Variants in DNAH6 observed in about 807,000 individuals in gnomAD.
The protein encoded by DNAH6 is axonemal beta dynein heavy chain 6.
DNAH6 carries 340 observed loss-of-function variants against 491.4 expected under a neutral mutation model. That is an observed-to-expected ratio of 0.69 (90% CI 0.63 to 0.76). The LOEUF (loss-of-function observed/expected upper bound fraction) is 0.76. Ranked by LOEUF, DNAH6 falls within the 30% of genes least tolerant of loss-of-function variation. The pLI is 0.00. For missense variants in DNAH6, 4,443 were observed against 4,972.2 expected (o/e 0.89, Z 3.20); for synonymous variants, 1,603 against 1,686.1 (o/e 0.95, Z 1.21).
At chr2:84,601,676 C>T (rs1295023335) in intron 18 of DNAH6, among the ~76,000 whole-genome samples, 1 of 151,748 alleles carries the variant, frequency 6.6e-6, no homozygotes, top group African/African-American at 2.4e-5. Flanking sequence ...TTCTTAGTCC[C>T]TTAACAGGTG....
In DNAH6 at chr2:84,704,174, A is replaced by T. The variant is rs886217206; in HGVS notation, c.8337A>T (p.Ala2779=). The change falls in exon 51 of 77, where the codon GCA becomes GCT. Residue 2779 remains alanine, a synonymous_variant. Coordinates refer to ENST00000389394, the MANE Select transcript of DNAH6 (RefSeq NM_001370.2). ...AQRDLDEALP[A]LDAANKALDS... is the part of the protein sequence containing the mutation. ...GAGATCTTGACGAGGCACTACCTGC[A>T]CTAGATGCTGCCAATAAAGCACTGG... The T allele has an allele frequency of 6.4e-7, 1 of 1,551,936 alleles. No homozygotes were observed. Among genetic ancestry groups the T allele is most frequent in the Non-Finnish European group, 8.7e-7 (1 of 1,147,032 alleles).
At chr2:84,575,153 G>A (rs991868885) in intron 12 of DNAH6, among the ~76,000 whole-genome samples, 1 of 152,160 alleles carries the variant, frequency 6.6e-6, no homozygotes, top group Non-Finnish European at 1.5e-5. Context: ...ATAGAGGTGG[G>A]CTTTGCCCTT....
the DNAH6 span, among the ~76,000 whole-genome samples, chr2:84,510,577 CAA>C: frequency 0.055 from 8,351 of 152,308 alleles, 359 homozygotes; most frequent in South Asian, 0.19. Flanking sequence ...CTCAACTCGT[CAA>C]AGTCATTCTC....
At chr2:84,576,275 G>A (rs1279463194) in intron 12 of DNAH6, among the ~76,000 whole-genome samples, 2 of 152,072 alleles carry the variant, frequency 1.3e-5, no homozygotes, top group African/African-American at 2.4e-5. Context: ...GCTGAAGCTC[G>A]GAAAGACTAA....
the DNAH6 span, among the ~76,000 whole-genome samples, chr2:84,495,318 A>G: frequency 6.6e-6 from 1 of 152,160 alleles, no homozygotes; most frequent in African/African-American, 2.4e-5. Context: ...ATGCACCACC[A>G]TGCCCTGCTA....
At chr2:84,805,509 T>C (rs892638960) in intron 70 of DNAH6, among the ~76,000 whole-genome samples, 156 bp from the exon 71 acceptor site, 1 of 152,228 alleles carries the variant, frequency 6.6e-6, no homozygotes, top group Non-Finnish European at 1.5e-5. Flanking sequence ...AGAGGGTAGA[T>C]CTCATGTTAA....
chr2:84,472,033 G>C, the DNAH6 span, among the ~76,000 whole-genome samples: 3 of 152,144 alleles, frequency 2.0e-5, no homozygotes, highest in East Asian at 5.8e-4. Context: ...CCAGCTCTTA[G>C]TATGTGCATC....
chr2:84,477,375 C>G, the DNAH6 span, among the ~76,000 whole-genome samples: 1 of 152,172 alleles, frequency 6.6e-6, no homozygotes, highest in Non-Finnish European at 1.5e-5. Context: ...GACATTATGT[C>G]AGACATGCAA....
chr2:84,804,980 A>C (rs1021263723), intron 70 of DNAH6, among the ~76,000 whole-genome samples: 2 of 145,548 alleles, frequency 1.4e-5, no homozygotes, highest in African/African-American at 2.5e-5. Context: ...CACCCAGCTA[A>C]TTTTTTTTTT....
At chr2:84,727,942 G>A in intron 61 of DNAH6, 40 bp downstream of exon 61, 2 of 1,300,216 alleles carry the variant, frequency 1.5e-6, no homozygotes, top group Non-Finnish European at 1.1e-6. Context: ...ATATGGTTTG[G>A]CTGTGTCCCC....
At chr2:84,553,238 G>T (rs922318966) in intron 10 of DNAH6, among the ~76,000 whole-genome samples, 6 of 152,172 alleles carry the variant, frequency 3.9e-5, no homozygotes, top group Non-Finnish European at 7.4e-5. Context: ...ACTTGAGTCA[G>T]ATTAGAGGCT....
upstream of DNAH6, among the ~76,000 whole-genome samples, chr2:84,514,001 CA>C (rs1675435011): frequency 6.6e-6 from 1 of 152,152 alleles, no homozygotes; most frequent in African/African-American, 2.4e-5. Flanking sequence ...ATGTGTGTGG[CA>C]ACTGTAGTTT....
intron 19 of DNAH6, 120 bp downstream of exon 19, chr2:84,604,671 T>C: frequency 2.8e-6 from 2 of 721,490 alleles, no homozygotes; most frequent in Non-Finnish European, 4.5e-6. Flanking sequence ...TCATTATCAG[T>C]CATCCCTCTG....
chr2:84,724,589 T>C (rs1698450672), intron 60 of DNAH6, among the ~76,000 whole-genome samples: 1 of 152,230 alleles, frequency 6.6e-6, no homozygotes, highest in Non-Finnish European at 1.5e-5. Context: ...CTGCTGGGAC[T>C]GCATTCTAAA....
At chr2:84,673,474 G>A (rs1016296939) in intron 40 of DNAH6, among the ~76,000 whole-genome samples, 4 of 152,188 alleles carry the variant, frequency 2.6e-5, no homozygotes, top group African/African-American at 4.8e-5. Context: ...AAGCCAGAAG[G>A]CAGATCAGCA....
intron 68 of DNAH6, among the ~76,000 whole-genome samples, chr2:84,788,857 A>C (rs72924779): frequency 1.3e-5 from 2 of 152,192 alleles, no homozygotes; most frequent in Non-Finnish European, 2.9e-5. Flanking sequence ...GACTGATTTT[A>C]TGGGAAAATT....
At chr2:84,472,822 C>T in the DNAH6 span, among the ~76,000 whole-genome samples, 1 of 152,130 alleles carries the variant, frequency 6.6e-6, no homozygotes, top group East Asian at 1.9e-4. Flanking sequence ...AAGGTGAATG[C>T]CTTTGTTGTA....
At chr2:84,641,542 G>C (rs1207996423) in intron 32 of DNAH6, among the ~76,000 whole-genome samples, 1 of 152,204 alleles carries the variant, frequency 6.6e-6, no homozygotes, top group Admixed American at 6.5e-5. Flanking sequence ...AAGGAGGATA[G>C]AGGACAGGAG....
intron 31 of DNAH6, 135 bp downstream of exon 31, chr2:84,637,512 G>C: frequency 9.9e-7 from 1 of 1,012,176 alleles, no homozygotes; most frequent in Non-Finnish European, 1.3e-6. Flanking sequence ...AGATATGATT[G>C]TTATCACATG....
Sources: gnomAD v4.1 joint callset for allele counts (sites outside exome capture counted in the v4.1 genomes callset) on GRCh38, gnomAD v4.1.1 for gene constraint, MANE v1.5 for transcripts, NCBI Gene and HGNC (gene_info 2026-07-23, HGNC 2026-07-21) for gene names.